Variants in KYNU observed in about 807,000 individuals in gnomAD.
KYNU encodes the protein L-kynurenine hydrolase.
Under a neutral mutation model 59.2 loss-of-function variants are expected in KYNU, and 54 were observed. The ratio of observed to expected loss-of-function variants is 0.91; its 90% confidence interval spans 0.73 to 1.14. The LOEUF (loss-of-function observed/expected upper bound fraction) is 1.14, where lower values mean the gene tolerates loss of function less well. Among genes scored for constraint, KYNU ranks in the 50% most tolerant of loss-of-function variants. The pLI, the probability that KYNU is intolerant of heterozygous loss-of-function variation, is 0.00. For synonymous variants in KYNU, 177 were observed against 192.0 expected (o/e 0.92, Z 0.65); for missense variants, 567 against 554.4 (o/e 1.02, Z -0.23).
intron 7 of KYNU, chr2:142,958,062 G>T: frequency 3.8e-6 from 1 of 261,132 alleles, no homozygotes; most frequent in Non-Finnish European, 7.4e-6. Flanking sequence ...TTAAAATCAT[G>T]CTAAAGACCA....
At chr2:142,965,944 T>C (rs1462432247) in intron 8 of KYNU, among the ~76,000 whole-genome samples, 1 of 152,182 alleles carries the variant, frequency 6.6e-6, no homozygotes, top group Non-Finnish European at 1.5e-5. Flanking sequence ...CCCCTCGCTC[T>C]CCTTTCTTTT....
rs922906689 is a variant in KYNU at position 142,887,006 on chromosome 2, T to C, written c.169+1470T>C. On this transcript the variant is annotated intron_variant, in intron 2 of 13. Transcript: ENST00000264170. ...TAACACGGTGAAACCCCATCTCTAC[T>C]AAAACTACAAAAAATTAGCCGGGCG... 4.6e-5 allele frequency among the ~76,000 whole-genome samples: 7 copies of C among 152,166 alleles called. No homozygotes were observed. In the East Asian group the frequency reaches 9.7e-4, roughly 21 times the overall value.
chr2:142,905,453 C>G (rs1682259362), intron 2 of KYNU, among the ~76,000 whole-genome samples: 1 of 152,102 alleles, frequency 6.6e-6, no homozygotes, highest in South Asian at 2.1e-4. Flanking sequence ...TCCTTGTGTC[C>G]CGAAGGGAGT....
At chr2:143,005,343 C>T (rs1408903945) in intron 10 of KYNU, among the ~76,000 whole-genome samples, 1 of 152,184 alleles carries the variant, frequency 6.6e-6, no homozygotes, top group African/African-American at 2.4e-5. Flanking sequence ...ACCTGTAGAG[C>T]TCTCATATAC....
chr2:142,993,269 TCTC>T (rs540659891), intron 10 of KYNU, among the ~76,000 whole-genome samples: 31 of 152,194 alleles, frequency 2.0e-4, no homozygotes, highest in Non-Finnish European at 3.8e-4. Flanking sequence ...TCCTTTTTAT[TCTC>T]CTCATTAGAA....
rs942171570 is a variant in KYNU at position 143,043,728 on chromosome 2, A to C, written c.*1556A>C. On this transcript the variant is annotated 3_prime_UTR_variant, in exon 14 of 14. Transcript: ENST00000264170. Reference sequence around the variant, plus strand: ...AGTGGATTCATATACATATATAAAAATATATATAAATATATATACTTTATA... The same window carrying C: ...AGTGGATTCATATACATATATAAAACTATATATAAATATATATACTTTATA... 1 of 146,634 alleles carries C rather than the reference A, an allele frequency of 6.8e-6. No homozygotes were observed. The highest frequency in any genetic ancestry group is 2.5e-5 in the African/African-American group (1 of 40,364). The allele number at this position is 146,634 out of a possible 1,614,324, so 9.1% of individuals were successfully genotyped here. A position where few individuals can be genotyped will look rare whatever the true frequency, so the allele number is the denominator to read the frequency against.
intron 4 of KYNU, among the ~76,000 whole-genome samples, chr2:142,945,958 G>T (rs1558936854): frequency 6.6e-6 from 1 of 151,798 alleles, no homozygotes. Context: ...GGCTGGTCCC[G>T]AACTCCTGAC....
chr2:142,938,207 T>C (rs1019222910), intron 4 of KYNU, among the ~76,000 whole-genome samples: 2 of 152,254 alleles, frequency 1.3e-5, no homozygotes, highest in Admixed American at 6.5e-5. Flanking sequence ...TGGTTTGGTC[T>C]GGTCTGTGGG....
intron 4 of KYNU, chr2:142,946,971 T>A (rs146326771): frequency 7.2e-7 from 1 of 1,386,934 alleles, no homozygotes; most frequent in Non-Finnish European, 9.8e-7. Context: ...GTACTTTTTG[T>A]ATTTCAAATA....
At chr2:142,909,211 G>A (rs1682401041) in intron 2 of KYNU, among the ~76,000 whole-genome samples, 1 of 151,468 alleles carries the variant, frequency 6.6e-6, no homozygotes, top group Middle Eastern at 3.4e-3. Flanking sequence ...ATTTGTAGAA[G>A]ATATAAGCCT....
At chr2:142,964,508 T>G (rs1684468140) in intron 8 of KYNU, 1 of 152,194 alleles carries the variant, frequency 6.6e-6, no homozygotes, top group Non-Finnish European at 1.5e-5. Flanking sequence ...CGTGGCAGTT[T>G]TATTTTGCAG....
At chr2:142,950,737 C>T (rs1319396927) in intron 4 of KYNU, among the ~76,000 whole-genome samples, 1 of 152,190 alleles carries the variant, frequency 6.6e-6, no homozygotes, top group Non-Finnish European at 1.5e-5. Context: ...TAACTTCTTT[C>T]AAGAACATTT....
rs1687234693 is a variant in KYNU at position 143,049,891 on chromosome 2, C to T, written c.*7719C>T. 1.3e-5 allele frequency: 2 copies of T among 151,976 alleles called. No homozygotes were observed. Among genetic ancestry groups the T allele is most frequent in the East Asian group, 1.9e-4 (1 of 5,176 alleles). The allele number at this position is 151,976 out of a possible 1,614,324, so 9.4% of individuals were successfully genotyped here. ...GAATTCTTTGAAAACTGAGTTAAGT[C>T]TGATTTTCCAGAGTTTTTATGTTTG... On this transcript the variant is annotated 3_prime_UTR_variant, in exon 14 of 14. Coordinates refer to ENST00000264170, the MANE Select transcript of KYNU (RefSeq NM_003937.3).
chr2:143,007,942 G>A (rs369635287), intron 10 of KYNU, among the ~76,000 whole-genome samples: 4,866 of 103,858 alleles, frequency 0.047, 131 homozygotes, highest in East Asian at 0.1. Context: ...GGTACCAGCC[G>A]CTGCAAAATC....
intron 3 of KYNU, among the ~76,000 whole-genome samples, chr2:142,924,447 A>G (rs1371510234): frequency 2.0e-5 from 3 of 149,738 alleles, no homozygotes; most frequent in African/African-American, 4.8e-5. Flanking sequence ...TGGATCATGG[A>G]AAAAAAATTA....
chr2:142,921,089 C>T (rs1682865683), intron 3 of KYNU, among the ~76,000 whole-genome samples: 1 of 152,176 alleles, frequency 6.6e-6, no homozygotes, highest in Admixed American at 6.5e-5. Flanking sequence ...GTTTATTTCA[C>T]ACTCAGATAC....
At chr2:142,977,304 C>G (rs1172313590) in intron 8 of KYNU, among the ~76,000 whole-genome samples, 1 of 146,746 alleles carries the variant, frequency 6.8e-6, no homozygotes, top group African/African-American at 2.5e-5. Flanking sequence ...CTGTTTGGTG[C>G]TCAACTAAAA....
In KYNU at chr2:142,920,228, T is replaced by C. The variant is rs1161194815; in HGVS notation, c.290+1499T>C. Among the ~76,000 whole-genome samples, 3 of 152,254 alleles carry C rather than the reference T, an allele frequency of 2.0e-5. No individual in the cohort carries two copies. In the East Asian group the frequency reaches 5.8e-4, roughly 29 times the overall value. Reference sequence around the variant, plus strand: ...ATTTATTAATCATGTTATAACTTTATCTGCATAACTTTTATGCATAATTTG... The same window carrying C: ...ATTTATTAATCATGTTATAACTTTACCTGCATAACTTTTATGCATAATTTG... On this transcript the variant is annotated intron_variant, in intron 3 of 13. Transcript: ENST00000264170.
intron 4 of KYNU, among the ~76,000 whole-genome samples, chr2:142,939,674 G>A (rs1683525722): frequency 1.3e-5 from 2 of 150,064 alleles, no homozygotes; most frequent in Non-Finnish European, 3.0e-5. Context: ...AAAATTCTCC[G>A]TTCTATGACA....
Sources: gnomAD v4.1 joint callset for allele counts (sites outside exome capture counted in the v4.1 genomes callset) on GRCh38, gnomAD v4.1.1 for gene constraint, MANE v1.5 for transcripts, NCBI Gene and HGNC (gene_info 2026-07-23, HGNC 2026-07-21) for gene names.